The following PARPBP variants were observed in gnomAD, a reference collection of about 807,000 sequenced individuals.
PARPBP encodes the protein PARP1 binding protein.
A neutral mutation model predicts 50.0 loss-of-function variants in PARPBP; 52 were observed. The observed-to-expected ratio is 1.04, with a 90% CI of 0.83 to 1.31. The LOEUF (loss-of-function observed/expected upper bound fraction) is 1.31, where lower values mean the gene tolerates loss of function less well. Among genes scored for constraint, PARPBP ranks in the 50% most tolerant of loss-of-function variants. PARPBP has a pLI of 0.00. For synonymous variants in PARPBP, 244 were observed against 232.1 expected, an observed-to-expected ratio of 1.05 and a Z score of -0.47; for missense variants, 697 against 672.0, an observed-to-expected ratio of 1.04 and a Z score of -0.41.
intron 2 of PARPBP, among the ~76,000 whole-genome samples, chr12:102,129,325 T>C (rs190076271): frequency 1.3e-5 from 2 of 152,198 alleles, no homozygotes; most frequent in Non-Finnish European, 2.9e-5. Context: ...TGTTTTCTTA[T>C]TGAGTTTCTT....
At chr12:102,133,499 T>C (rs1439810480) in intron 2 of PARPBP, among the ~76,000 whole-genome samples, 2 of 152,184 alleles carry the variant, frequency 1.3e-5, no homozygotes, top group African/African-American at 4.8e-5. Context: ...TTTATCATCA[T>C]GAGTGATCCT....
chr12:102,170,769 CTA>C lies in PARPBP; in HGVS notation c.822-4712_822-4711del, dbSNP rs556249187. Among the ~76,000 whole-genome samples the C allele has an allele frequency of 2.5e-3, 386 of 152,226 alleles. 3 individuals are homozygous for C. Among genetic ancestry groups the C allele is most frequent in the African/African-American group, 8.9e-3 (370 of 41,540 alleles). On this transcript the variant is annotated intron_variant, in intron 6 of 10. Transcript: ENST00000327680. ...TAACTTTATGAACTTTAAAATTTGA[CTA>C]TGAATTTTTTAAAATTTTGAAACTT...
intron 2 of PARPBP, among the ~76,000 whole-genome samples, chr12:102,141,540 G>A (rs1884600952): frequency 6.6e-6 from 1 of 152,126 alleles, no homozygotes; most frequent in African/African-American, 2.4e-5. Flanking sequence ...GATGTTAGCG[G>A]GTTATTTTGC....
chr12:102,153,100 T>C (rs1183320902), intron 3 of PARPBP, among the ~76,000 whole-genome samples: 2 of 152,170 alleles, frequency 1.3e-5, no homozygotes, highest in African/African-American at 4.8e-5. Flanking sequence ...TTTTGAGATA[T>C]CTTTTCAGGT....
intron 2 of PARPBP, 137 bp from the exon 3 acceptor site, chr12:102,148,093 G>T: frequency 1.3e-5 from 6 of 454,086 alleles, no homozygotes; most frequent in Middle Eastern, 5.6e-4. Context: ...GTTCAACTTG[G>T]GTGTTCTCTT....
chr12:102,185,914 A>T (rs1890258135), intron 9 of PARPBP, among the ~76,000 whole-genome samples: 1 of 152,144 alleles, frequency 6.6e-6, no homozygotes, highest in African/African-American at 2.4e-5. Context: ...TCGGCCTCCC[A>T]AAGTGCTGGG....
intron 2 of PARPBP, among the ~76,000 whole-genome samples, chr12:102,136,718 T>G (rs1179253237): frequency 2.0e-5 from 3 of 152,170 alleles, no homozygotes; most frequent in Non-Finnish European, 4.4e-5. Flanking sequence ...AGGTTGCAGT[T>G]CAGTTTTATT....
At chr12:102,146,487 A>G (rs1885374736) in intron 2 of PARPBP, among the ~76,000 whole-genome samples, 1 of 152,152 alleles carries the variant, frequency 6.6e-6, no homozygotes, top group Admixed American at 6.5e-5. Context: ...TATTTAATAA[A>G]TGGTGCTGGG....
At chr12:102,185,630 T>C (rs1262318135) in intron 9 of PARPBP, among the ~76,000 whole-genome samples, 11 of 152,096 alleles carry the variant, frequency 7.2e-5, no homozygotes, top group African/African-American at 2.2e-4. Context: ...AGTGAAGCCA[T>C]TGGGCCCTGG....
chr12:102,174,959 G>A (rs966015359), intron 6 of PARPBP, among the ~76,000 whole-genome samples: 1 of 151,980 alleles, frequency 6.6e-6, no homozygotes, highest in Non-Finnish European at 1.5e-5. Context: ...TGTTTTTCAC[G>A]TCAGTTTCCT....
intron 3 of PARPBP, among the ~76,000 whole-genome samples, chr12:102,152,475 G>A (rs1291485880): frequency 6.6e-6 from 1 of 152,148 alleles, no homozygotes; most frequent in Non-Finnish European, 1.5e-5. Context: ...TAAATTTCGT[G>A]TATTGATGTT....
intron 2 of PARPBP, among the ~76,000 whole-genome samples, chr12:102,146,306 A>T (rs1450333922): frequency 2.0e-5 from 3 of 152,166 alleles, no homozygotes; most frequent in Admixed American, 2.0e-4. Flanking sequence ...ACGCTACCTG[A>T]CTTCAAACTA....
chr12:102,156,176 CTTTTTTTTTTTTTTT>C (rs869213784), intron 4 of PARPBP, among the ~76,000 whole-genome samples: 3 of 66,176 alleles, frequency 4.5e-5, no homozygotes, highest in East Asian at 4.8e-4. Context: ...ATTAACCTTC[CTTTTTTTTTTTTTTT>C]TTTTTTTTTT....
At chr12:102,135,092 G>A (rs1883420562) in intron 2 of PARPBP, among the ~76,000 whole-genome samples, 1 of 152,058 alleles carries the variant, frequency 6.6e-6, no homozygotes, top group African/African-American at 2.4e-5. Flanking sequence ...GTTTTTGGCT[G>A]GGCCTGAGAA....
chr12:102,189,837 G>A (rs889505261), intron 9 of PARPBP, among the ~76,000 whole-genome samples: 1 of 152,098 alleles, frequency 6.6e-6, no homozygotes, highest in South Asian at 2.1e-4. Context: ...AGAGAGAAAG[G>A]CAGAATATTT....
At chr12:102,147,497 A>G (rs146600276) in intron 2 of PARPBP, among the ~76,000 whole-genome samples, 103 of 147,806 alleles carry the variant, frequency 7.0e-4, no homozygotes, top group Non-Finnish European at 1.3e-3. Flanking sequence ...GTTCTCAATC[A>G]TAGATGGAAT....
At chr12:102,189,430 A>G (rs779187881) in intron 9 of PARPBP, among the ~76,000 whole-genome samples, 1 of 152,220 alleles carries the variant, frequency 6.6e-6, no homozygotes, top group Non-Finnish European at 1.5e-5. Flanking sequence ...ACATGTGGCT[A>G]TTGAGCTCTT....
intron 3 of PARPBP, among the ~76,000 whole-genome samples, chr12:102,150,583 A>G (rs192558729): frequency 3.5e-4 from 53 of 152,282 alleles, no homozygotes; most frequent in African/African-American, 1.0e-3. Context: ...TTCCTCTCCT[A>G]AGGAAAATGG....
intron 9 of PARPBP, among the ~76,000 whole-genome samples, chr12:102,184,370 A>G (rs534122041): frequency 2.0e-4 from 31 of 152,298 alleles, no homozygotes; most frequent in Non-Finnish European, 3.5e-4. Flanking sequence ...GTAAATCAAA[A>G]TGAAAAAATC....
Sources: allele counts gnomAD v4.1 joint callset (sites outside exome capture counted in the v4.1 genomes callset), GRCh38; gene constraint gnomAD v4.1.1; transcripts MANE v1.5; gene names NCBI Gene and HGNC (gene_info 2026-07-23, HGNC 2026-07-21).